Variants in SLC8A1 observed in about 807,000 individuals in gnomAD.
The protein encoded by SLC8A1 is sodium/calcium exchanger 1.
A neutral mutation model predicts 68.3 loss-of-function variants in SLC8A1; 18 were observed. The observed-to-expected ratio is 0.26, with a 90% CI of 0.18 to 0.39. The LOEUF is 0.39. Among genes scored for constraint, SLC8A1 ranks in the 10% least tolerant of loss-of-function variants. The pLI, the probability that SLC8A1 is intolerant of heterozygous loss-of-function variation, is 1.00. For synonymous variants in SLC8A1, 475 were observed against 415.5 expected, an observed-to-expected ratio of 1.14 and a Z score of -1.74; for missense variants, 985 against 1,156.7, an observed-to-expected ratio of 0.85 and a Z score of 2.15.
intron 2 of SLC8A1, among the ~76,000 whole-genome samples, chr2:40,328,882 C>T (rs1025461070): frequency 4.6e-5 from 7 of 152,086 alleles, no homozygotes; most frequent in Admixed American, 3.9e-4. Context: ...GTGGTCTACA[C>T]CATTACCAGT....
chr2:40,428,263 T>A (rs1697385857), intron 2 of SLC8A1, among the ~76,000 whole-genome samples: 1 of 152,130 alleles, frequency 6.6e-6, no homozygotes, highest in Admixed American at 6.6e-5. Flanking sequence ...AATTCTGATG[T>A]AAATAAATTT....
At chr2:40,456,149 T>C (rs1311418488), upstream of SLC8A1, among the ~76,000 whole-genome samples, 5 of 151,886 alleles carry the variant, frequency 3.3e-5, no homozygotes, top group Non-Finnish European at 7.4e-5. Context: ...ATCCCGTCTC[T>C]ACTAAAAATA....
chr2:40,455,420 C>A (rs543917915), upstream of SLC8A1, among the ~76,000 whole-genome samples: 1 of 152,294 alleles, frequency 6.6e-6, no homozygotes, highest in African/African-American at 2.4e-5. Flanking sequence ...TCCATTGCTT[C>A]GGGCTTCTGA....
At chr2:40,286,368 C>T (rs987477918) in intron 2 of SLC8A1, among the ~76,000 whole-genome samples, 1 of 152,180 alleles carries the variant, frequency 6.6e-6, no homozygotes, top group African/African-American at 2.4e-5. Flanking sequence ...AGGGCACCTC[C>T]TCTAGGTTGC....
chr2:40,110,097 A>G (rs2034467097), exon 8 of SLC8A1: 1 of 152,148 alleles, frequency 6.6e-6, no homozygotes, highest in African/African-American at 2.4e-5. Flanking sequence ...GCAGGGAAAA[A>G]GTCAAAGAAA....
At chr2:40,439,439 T>A (rs1399667674) in intron 1 of SLC8A1, among the ~76,000 whole-genome samples, 1 of 152,148 alleles carries the variant, frequency 6.6e-6, no homozygotes, top group Admixed American at 6.5e-5. Context: ...GGGCAGCCCC[T>A]ACTCTTTTTC....
chr2:40,378,663 C>T (rs1320233905), intron 2 of SLC8A1, among the ~76,000 whole-genome samples: 1 of 152,022 alleles, frequency 6.6e-6, no homozygotes, highest in Non-Finnish European at 1.5e-5. Context: ...GAAAGCTGCC[C>T]GTCATCTGCA....
chr2:40,129,516 G>A (rs760915629), intron 7 of SLC8A1, among the ~76,000 whole-genome samples: 3 of 152,248 alleles, frequency 2.0e-5, no homozygotes, highest in Middle Eastern at 3.4e-3. Context: ...GATTACAGAC[G>A]TGAGCCAGCA....
chr2:40,232,498 G>C (rs1367584397), intron 2 of SLC8A1, among the ~76,000 whole-genome samples: 1 of 151,702 alleles, frequency 6.6e-6, no homozygotes, highest in Non-Finnish European at 1.5e-5. Flanking sequence ...TGGGGATTAG[G>C]GGAGGATAGG....
chr2:40,162,856 C>G (rs553066306), intron 5 of SLC8A1, among the ~76,000 whole-genome samples: 1 of 152,126 alleles, frequency 6.6e-6, no homozygotes, highest in Non-Finnish European at 1.5e-5. Context: ...TAAATAAGAA[C>G]TCAGTGGGTA....
chr2:40,399,084 A>G (rs1687886682), intron 2 of SLC8A1, among the ~76,000 whole-genome samples: 1 of 152,210 alleles, frequency 6.6e-6, no homozygotes, highest in African/African-American at 2.4e-5. Flanking sequence ...AGTACCTATT[A>G]TTTTAACATT....
chr2:40,289,481 T>C (rs1057118310), intron 2 of SLC8A1, among the ~76,000 whole-genome samples: 5 of 152,148 alleles, frequency 3.3e-5, no homozygotes, highest in East Asian at 3.8e-4. Flanking sequence ...GCCATTGGAA[T>C]TGAGCTACTG....
intron 2 of SLC8A1, among the ~76,000 whole-genome samples, chr2:40,222,311 C>T (rs941791976): frequency 2.6e-5 from 4 of 152,142 alleles, no homozygotes; most frequent in African/African-American, 9.7e-5. Context: ...GTTGGGAAAA[C>T]TGGCTAGCCA....
intron 2 of SLC8A1, among the ~76,000 whole-genome samples, chr2:40,422,356 T>A (rs554325470): frequency 6.6e-6 from 1 of 152,194 alleles, no homozygotes; most frequent in African/African-American, 2.4e-5. Context: ...TCCCATGATA[T>A]TACAATGTTG....
intron 2 of SLC8A1, among the ~76,000 whole-genome samples, chr2:40,277,068 T>A (rs2066794242): frequency 1.3e-5 from 2 of 152,202 alleles, no homozygotes; most frequent in Non-Finnish European, 2.9e-5. Flanking sequence ...GCTGCATGAA[T>A]ATCACAGTTC....
rs149706114 is a variant in SLC8A1, at chr2:40,365,408, T to C, written c.1808+63065A>G. ...AAAATAAAATCAGTGATTTATGTGT[T>C]TACAATTATCCGAATATTTGGTATT... On this transcript the variant is annotated intron_variant, in intron 2 of 7. Transcript: ENST00000406785. Among the ~76,000 whole-genome samples the C allele has an allele frequency of 3.5e-4, 53 of 152,234 alleles. 1 individual carries two copies. The East Asian group carries it at 0.01, about 29-fold the overall frequency.
chr2:40,381,158 A>T (rs1470568175), intron 2 of SLC8A1, among the ~76,000 whole-genome samples: 1 of 152,014 alleles, frequency 6.6e-6, no homozygotes, highest in Non-Finnish European at 1.5e-5. Flanking sequence ...TGCTCCAAAC[A>T]TCAAAATCGG....
At chr2:40,216,572 C>A (rs144308567) in intron 2 of SLC8A1, among the ~76,000 whole-genome samples, 1 of 152,172 alleles carries the variant, frequency 6.6e-6, no homozygotes, top group African/African-American at 2.4e-5. Context: ...CTTGAGGAAT[C>A]GCCACACTGT....
At chr2:40,172,948 A>G (rs905693783) in intron 4 of SLC8A1, among the ~76,000 whole-genome samples, 13 of 152,188 alleles carry the variant, frequency 8.5e-5, no homozygotes, top group African/African-American at 3.1e-4. Context: ...CTCAAAAAAA[A>G]GTCCTGACAC....
Sources: gnomAD v4.1 joint callset for allele counts (sites outside exome capture counted in the v4.1 genomes callset) on GRCh38, gnomAD v4.1.1 for gene constraint, MANE v1.5 for transcripts, NCBI Gene and HGNC (gene_info 2026-07-23, HGNC 2026-07-21) for gene names.